COL16A1: variants seen among roughly 807,000 people sequenced by gnomAD.
COL16A1 encodes the protein collagen type XVI alpha 1 chain.
COL16A1 carries 189 observed loss-of-function variants against 266.3 expected under a neutral mutation model. The ratio of observed to expected loss-of-function variants is 0.71; its 90% confidence interval spans 0.63 to 0.80. The LOEUF (loss-of-function observed/expected upper bound fraction) is 0.80, where lower values mean the gene tolerates loss of function less well. Among genes scored for constraint, COL16A1 ranks in the 30% least tolerant of loss-of-function variants. COL16A1 has a pLI of 0.00. For synonymous variants in COL16A1, 740 were observed against 782.3 expected, an observed-to-expected ratio of 0.95 and a Z score of 0.90; for missense variants, 1,928 against 2,122.4, an observed-to-expected ratio of 0.91 and a Z score of 1.80.
intron 12 of COL16A1, among the ~76,000 whole-genome samples, chr1:31,693,898 G>C (rs1381593337): frequency 6.6e-6 from 1 of 152,204 alleles, no homozygotes; most frequent in Non-Finnish European, 1.5e-5. Flanking sequence ...GTTCAAAAGG[G>C]TAATAAGTGT....
chr1:31,664,512 C>T lies in COL16A1; in HGVS notation c.3555+660G>A, dbSNP rs1411812956. ...CAATCTTCGGGCTTCTTACACCACC[C>T]ACTCAGCACATCTAGGGAGCCCAGA... On this transcript the variant is annotated intron_variant, in intron 56 of 70. Transcript: ENST00000373672. The surrounding 1 kb of genome is among the most constrained non-coding windows in gnomAD (Gnocchi z 5.5). Among the ~76,000 whole-genome samples, 2 of 152,174 alleles carry T rather than the reference C, an allele frequency of 1.3e-5. No individual in the cohort carries two copies. Among genetic ancestry groups the T allele is most frequent in the Non-Finnish European group, 1.5e-5 (1 of 68,020 alleles).
intron 2 of COL16A1, 101 bp from the exon 3 acceptor site, chr1:31,700,216 C>T (rs1644675774): frequency 2.9e-6 from 3 of 1,040,886 alleles, no homozygotes; most frequent in South Asian, 1.3e-5. Flanking sequence ...TTATAGTCCT[C>T]ACTCTGGACC....
In COL16A1 at chr1:31,685,524, C is replaced by CAA; in HGVS notation, c.2016+114_2016+115insTT. The CAA allele has an allele frequency of 1.6e-6, 2 of 1,283,812 alleles. No individual in the cohort carries two copies. The highest frequency in any genetic ancestry group is 2.2e-6 in the Non-Finnish European group (2 of 923,644). 79.5% of individuals were successfully genotyped at this position (1,283,812 alleles called of 1,614,324 possible). ...ACAGAGGCTCTGACCCCGCCACACC[C>CAA]TCCCCACTACCCCCAACTGCCCAGG... On this transcript the variant is annotated intron_variant, in intron 29 of 70. Transcript: ENST00000373672. This position sits in a 1 kb window ranked among gnomAD's most constrained non-coding sequence, Gnocchi z 4.0.
chr1:31,696,277 A>T (rs1235257632), intron 8 of COL16A1, 136 bp from the exon 9 acceptor site: 6 of 719,986 alleles, frequency 8.3e-6, no homozygotes, highest in African/African-American at 1.8e-5. Flanking sequence ...TGGGGCATCA[A>T]GGGCCTGCTC....
At chr1:31,683,521 G>A (rs1643797577) in intron 34 of COL16A1, 152 bp from the exon 35 acceptor site, 1 of 1,568,912 alleles carries the variant, frequency 6.4e-7, no homozygotes, top group Non-Finnish European at 8.7e-7. Flanking sequence ...CAGAGAGGCT[G>A]GGGTCAAAGG....
Position 31,655,395 on chromosome 1 carries a change from C to A in COL16A1, c.4209G>T (p.Pro1403=), listed in dbSNP as rs199971611. 1.9e-6 allele frequency: 3 copies of A among 1,613,980 alleles called. No individual in the cohort carries two copies. In the East Asian group the frequency reaches 6.7e-5, roughly 36 times the overall value. Residue 1403 remains proline (P), a synonymous_variant, in exon 67 of 71, where the codon CCG becomes CCT. Coordinates refer to ENST00000373672, the MANE Select transcript of COL16A1 (RefSeq NM_001856.4). ...KSGSMGPVGP[P]GPAGERGHPG... ...GGTGGCCTCTCTCTCCTGCAGGGCC[C>A]GGTGGCCCAACAGGCCCCATGGAAC...
At chr1:31,691,776 G>A in intron 17 of COL16A1, 134 bp from the exon 18 acceptor site, 1 of 1,257,602 alleles carries the variant, frequency 8.0e-7, no homozygotes, top group Non-Finnish European at 1.1e-6. Context: ...GTGCCCCAAG[G>A]TCAGCACATG....
At chr1:31,683,083 G>A in intron 36 of COL16A1, 81 bp from the exon 37 acceptor site, 1 of 1,609,244 alleles carries the variant, frequency 6.2e-7, no homozygotes, top group South Asian at 1.1e-5. Flanking sequence ...CATCTCAACA[G>A]ATCTTAGGCA....
chr1:31,685,895 T>C lies in COL16A1; in HGVS notation c.1885-125A>G. 1.3e-6 allele frequency: 2 copies of C among 1,522,198 alleles called. No individual in the cohort carries two copies. Among genetic ancestry groups the C allele is most frequent in the Non-Finnish European group, 8.9e-7 (1 of 1,124,026 alleles). 94.3% of individuals were successfully genotyped at this position (1,522,198 alleles called of 1,614,324 possible). A position where few individuals can be genotyped will look rare whatever the true frequency, so the allele number is the denominator to read the frequency against. On this transcript the variant is annotated intron_variant, in intron 28 of 70. Transcript: ENST00000373672. The surrounding 1 kb of genome is among the most constrained non-coding windows in gnomAD (Gnocchi z 4.0). ...TGCACCTCTGCTGGGTGAGGGGTTA[T>C]CTTGGGAAAGATGAAGGGAGAACAG...
At chr1:31,677,374 C>A (rs1482774365) in intron 42 of COL16A1, among the ~76,000 whole-genome samples, 15 of 152,240 alleles carry the variant, frequency 9.9e-5, no homozygotes, top group Non-Finnish European at 7.3e-5. Flanking sequence ...CAGGCGTGAG[C>A]CACCACGCCT....
rs1187520011 is a variant in COL16A1 at position 31,672,514 on chromosome 1, T to C, written c.3019-12A>G. Reference sequence around the variant, plus strand: ...TCACTGTTGTCACCCTGGAGAAGGATGGAGACGGTGATAGTGAGCAGTCAG... The same window carrying C: ...TCACTGTTGTCACCCTGGAGAAGGACGGAGACGGTGATAGTGAGCAGTCAG... On this transcript the variant is annotated splice_polypyrimidine_tract_variant and intron_variant, in intron 46 of 70. Coordinates refer to ENST00000373672, the MANE Select transcript of COL16A1 (RefSeq NM_001856.4). 1 of 1,613,916 alleles carries C rather than the reference T, an allele frequency of 6.2e-7. No individual in the cohort carries two copies. The highest frequency in any genetic ancestry group is 8.5e-7 in the Non-Finnish European group (1 of 1,179,968).
At chr1:31,692,348 G>C in intron 16 of COL16A1, 126 bp downstream of exon 16, 1 of 1,428,312 alleles carries the variant, frequency 7.0e-7, no homozygotes, top group South Asian at 1.4e-5. Context: ...GATGGGGGAG[G>C]GAGGGTCCTG....
At position 31,658,927 on chromosome 1, in the gene COL16A1, C is replaced by T. The variant is rs910689196; in HGVS notation, c.3917G>A (p.Gly1306Glu). The stretch of plus-strand genomic sequence containing the variant: ...CATGTTACTCACCACTGCAGAGATC[C>T]CAGCTGGTCCTGGCTGGCCTGGAGG... Reference protein sequence around the residue: ...PGPPGQPGPAGISAVGLKGDR... With the variant: ...PGPPGQPGPAEISAVGLKGDR... The change falls in exon 63 of 71, where the codon GGG becomes GAG. Residue 1306 changes from glycine (G) to glutamate (E), a missense_variant. Gly to Glu is a moderately conservative substitution (Grantham distance 98). Coordinates refer to ENST00000373672, the MANE Select transcript of COL16A1 (RefSeq NM_001856.4). 3.9e-6 allele frequency: 6 copies of T among 1,554,280 alleles called. No individual in the cohort carries two copies. The highest frequency in any genetic ancestry group is 5.2e-6 in the Non-Finnish European group (6 of 1,148,518).
intron 11 of COL16A1, 29 bp from the exon 12 acceptor site, chr1:31,694,199 C>G (rs781340635): frequency 3.8e-6 from 6 of 1,566,436 alleles, no homozygotes; most frequent in Non-Finnish European, 5.2e-6. Flanking sequence ...GGGCATCACA[C>G]TTCCGGTAGA....
At chr1:31,694,869 G>A (rs924810774) in intron 11 of COL16A1, among the ~76,000 whole-genome samples, 1 of 152,210 alleles carries the variant, frequency 6.6e-6, no homozygotes, top group East Asian at 1.9e-4. Flanking sequence ...ACCAGGGCAG[G>A]GGGAGAACTT....
At position 31,686,292 on chromosome 1, in the gene COL16A1, A is replaced by C; in HGVS notation, c.1804-13T>G. 1.2e-6 allele frequency: 2 copies of C among 1,614,236 alleles called. No individual in the cohort carries two copies. The highest frequency in any genetic ancestry group is 1.7e-6 in the Non-Finnish European group (2 of 1,180,042). ...CCCCGAAGTTACCCTGAGAGAAAGC[A>C]CAGAAACCATGATTAAAGAGGGGAT... On this transcript the variant is annotated splice_polypyrimidine_tract_variant and intron_variant, in intron 26 of 70. Transcript: ENST00000373672.
At chr1:31,665,257 A>G (rs902191169) in intron 55 of COL16A1, 23 bp from the exon 56 acceptor site, 7 of 1,584,518 alleles carry the variant, frequency 4.4e-6, no homozygotes, top group Admixed American at 2.0e-5. Flanking sequence ...AGGGGCAGGC[A>G]GGAATGAAAG....
In COL16A1 at chr1:31,657,156, C is replaced by T. The variant is rs1247725639; in HGVS notation, c.4021-88G>A. 6.4e-7 allele frequency: 1 copy of T among 1,553,654 alleles called. No individual in the cohort carries two copies. The highest frequency in any genetic ancestry group is 8.9e-7 in the Non-Finnish European group (1 of 1,126,460). On this transcript the variant is annotated intron_variant, in intron 64 of 70. Coordinates refer to ENST00000373672, the MANE Select transcript of COL16A1 (RefSeq NM_001856.4). This position sits in a 1 kb window ranked among gnomAD's most constrained non-coding sequence, Gnocchi z 6.4. The stretch of plus-strand genomic sequence containing the variant: ...ACTTTGTACATGGGGCAAGCCCAGC[C>T]CCCTGTTCCACCCAGAGGCCACGAT...
intron 23 of COL16A1, 116 bp from the exon 24 acceptor site, chr1:31,689,201 G>A: frequency 6.6e-7 from 1 of 1,516,814 alleles, no homozygotes; most frequent in South Asian, 1.2e-5. Context: ...ACACCTAGGG[G>A]TCCCATGGGG....
Sources: gnomAD v4.1 joint callset for allele counts (sites outside exome capture counted in the v4.1 genomes callset) on GRCh38, gnomAD v4.1.1 for gene constraint, Gnocchi (gnomAD v3.1) non-coding constraint, MANE v1.5 for transcripts, NCBI Gene and HGNC (gene_info 2026-07-23, HGNC 2026-07-21) for gene names.